SERPINA9: variants seen among roughly 807,000 people sequenced by gnomAD.
The protein encoded by SERPINA9 is serpin family A member 9, also known as serpin A9.
Under a neutral mutation model 24.5 loss-of-function variants are expected in SERPINA9, and 32 were observed. The ratio of observed to expected loss-of-function variants is 1.30; its 90% CI spans 0.98 to 1.75. SERPINA9 has a LOEUF of 1.75. SERPINA9 is among the 40% of genes most tolerant of loss of function. SERPINA9 has a pLI of 0.00. For missense variants in SERPINA9, 594 were observed against 497.1 expected, an observed-to-expected ratio of 1.19 and a Z score of -1.85; for synonymous variants, 233 against 197.7, an observed-to-expected ratio of 1.18 and a Z score of -1.50.
intron 1 of SERPINA9, 115 bp downstream of exon 1, chr14:94,476,021 A>T (rs533791403): frequency 6.6e-7 from 1 of 1,513,712 alleles, no homozygotes; most frequent in African/African-American, 1.4e-5. Flanking sequence ...CTAGGTTCTC[A>T]TCTTATTTGA....
intron 1 of SERPINA9, among the ~76,000 whole-genome samples, chr14:94,471,849 TC>T (rs535000856): frequency 8.9e-4 from 136 of 152,192 alleles, no homozygotes; most frequent in African/African-American, 3.1e-3. Flanking sequence ...TCGTTCTTCC[TC>T]CCCGAGACAT....
At chr14:94,475,850 G>A in intron 1 of SERPINA9, 1 of 497,758 alleles carries the variant, frequency 2.0e-6, no homozygotes. Context: ...TCTAGCAGCT[G>A]CCCTATTTCA....
chr14:94,475,689 G>T (rs1340514998), intron 1 of SERPINA9, among the ~76,000 whole-genome samples: 1 of 151,910 alleles, frequency 6.6e-6, no homozygotes. Flanking sequence ...TCCATCTCAG[G>T]ACCCTTCCAC....
intron 1 of SERPINA9, among the ~76,000 whole-genome samples, chr14:94,475,297 G>C (rs572586290): frequency 1.3e-5 from 2 of 152,218 alleles, no homozygotes; most frequent in African/African-American, 2.4e-5. Context: ...TAACTCATCA[G>C]CTCACTCTCC....
chr14:94,464,064 C>A (rs1026631162), intron 4 of SERPINA9, among the ~76,000 whole-genome samples: 1 of 152,112 alleles, frequency 6.6e-6, no homozygotes, highest in Non-Finnish European at 1.5e-5. Context: ...AATTAACTGA[C>A]GGAGACTTCT....
At position 94,469,708 on chromosome 14, in the gene SERPINA9, A is replaced by T; in HGVS notation, c.133T>A (p.Tyr45Asn). 6.2e-7 allele frequency: 1 copy of T among 1,606,868 alleles called. No homozygotes were observed. The highest frequency in any genetic ancestry group is 2.2e-5 in the East Asian group (1 of 44,782). Residue 45 changes from tyrosine (Y) to asparagine (N), a missense_variant, in exon 2 of 5, where the codon TAT (tyrosine) becomes AAT (asparagine). Physicochemically the swap from Tyr to Asn is moderately radical, Grantham distance 143. Coordinates refer to ENST00000674397, the MANE Select transcript of SERPINA9 (RefSeq NM_175739.4). Reference protein sequence around the residue: ...STKSTPASQVYSLNTDFAFRL... With the variant: ...STKSTPASQVNSLNTDFAFRL... ...AAGGCAAAGTCGGTGTTGAGGGAAT[A>T]CACCTGTGAGGCAGGGGTGCTCTTT... is the stretch of plus-strand genomic sequence containing the variant.
intron 3 of SERPINA9, 25 bp from the exon 4 acceptor site, chr14:94,464,879 A>G: frequency 1.2e-6 from 2 of 1,601,344 alleles, no homozygotes; most frequent in Non-Finnish European, 1.7e-6. Context: ...AAAGGAAACA[A>G]TGAGGTCACA....
Position 94,469,329 on chromosome 14 carries a change from G to A in SERPINA9, c.512C>T (p.Ala171Val). The change falls in exon 2 of 5, where the codon GCC becomes GTC. Residue 171 changes from alanine to valine, a missense_variant. Ala to Val is a moderately conservative substitution (Grantham distance 64, BLOSUM62 0). Transcript: ENST00000674397. ...CACATGGCTGTTGATCCTCGCCTGGGCAATGGAGGGGTTGGAGAAATCTGT... is the reference window on the plus strand; with the variant it reads ...CACATGGCTGTTGATCCTCGCCTGGACAATGGAGGGGTTGGAGAAATCTGT... ...FSTDFSNPSI[A>V]QARINSHVKK... is the part of the protein sequence containing the mutation. 6.2e-7 allele frequency: 1 copy of A among 1,614,160 alleles called. No homozygotes were observed. Among genetic ancestry groups the A allele is most frequent in the Non-Finnish European group, 8.5e-7 (1 of 1,180,038 alleles).
Position 94,471,401 on chromosome 14 carries a change from C to A in SERPINA9, c.-17-1544G>T, listed in dbSNP as rs562067479. ...ACATAGTCACTTGTCTATGTCAGAC[C>A]AAGCATAATGTGACAGCCACATTCC... is the stretch of plus-strand genomic sequence containing the variant. On this transcript the variant is annotated intron_variant, in intron 1 of 4. Transcript: ENST00000674397. 3.9e-5 allele frequency among the ~76,000 whole-genome samples: 6 copies of A among 152,178 alleles called. No individual in the cohort carries two copies. The East Asian group carries it at 7.7e-4, about 20-fold the overall frequency.
In SERPINA9 at chr14:94,463,226, A is replaced by G. The variant is rs1488911335; in HGVS notation, c.1121T>C (p.Phe374Ser). ...GGGGCCATCCTTCGATCGGACTATG[A>G]ACTTGGTGGTGGTAGCTGCTGTGGC... is the stretch of plus-strand genomic sequence containing the variant. ...TEATAATTTK[F>S]IVRSKDGPSY... The change falls in exon 5 of 5, where the codon TTC becomes TCC. Residue 374 changes from phenylalanine (F) to serine (S), a missense_variant. Transcript: ENST00000674397. 4 of 1,614,084 alleles carry G rather than the reference A, an allele frequency of 2.5e-6. No homozygotes were observed. The highest frequency in any genetic ancestry group is 3.4e-6 in the Non-Finnish European group (4 of 1,180,038).
chr14:94,469,627 G>C lies in SERPINA9; in HGVS notation c.214C>G (p.Pro72Ala). The change falls in exon 2 of 5, where the codon CCT becomes GCT. Residue 72 changes from proline to alanine, a missense_variant. Physicochemically the swap from Pro to Ala is conservative, Grantham distance 27. Coordinates refer to ENST00000674397, the MANE Select transcript of SERPINA9 (RefSeq NM_175739.4). ...ETPSQNIFFS[P>A]VSVSTSLAML... ...GCCAGGGAAGTGGAGACACTCACAG[G>C]GGAGAAGAAGATGTTCTGACTCGGG... 6.2e-7 allele frequency: 1 copy of C among 1,614,128 alleles called. No individual in the cohort carries two copies. Among genetic ancestry groups the C allele is most frequent in the Non-Finnish European group, 8.5e-7 (1 of 1,180,032 alleles).
chr14:94,468,936 T>G (rs1305214013), intron 2 of SERPINA9, among the ~76,000 whole-genome samples: 1 of 152,206 alleles, frequency 6.6e-6, no homozygotes, highest in Non-Finnish European at 1.5e-5. Flanking sequence ...AGTCTCCAGA[T>G]TTTTCCTGTG....
rs944826590 is a variant in SERPINA9 at position 94,466,035 on chromosome 14, T to C, written c.902+1074A>G. 3.9e-5 allele frequency among the ~76,000 whole-genome samples: 6 copies of C among 152,144 alleles called. No individual in the cohort carries two copies. The East Asian group carries it at 5.8e-4, about 15-fold the overall frequency. On this transcript the variant is annotated intron_variant, in intron 3 of 4. Transcript: ENST00000674397. ...ATGCCAGGGACAGCTCTCTTTTCCC[T>C]GCCACTGTCCTCTTTCCCTGTTTTC...
intron 2 of SERPINA9, among the ~76,000 whole-genome samples, chr14:94,468,452 G>A (rs1899124984): frequency 6.6e-6 from 1 of 152,170 alleles, no homozygotes; most frequent in Non-Finnish European, 1.5e-5. Flanking sequence ...AACTCTGCCT[G>A]GAGATGCCAG....
intron 2 of SERPINA9, 126 bp from the exon 3 acceptor site, chr14:94,467,508 T>C: frequency 2.4e-6 from 2 of 839,518 alleles, no homozygotes; most frequent in Non-Finnish European, 3.6e-6. Context: ...AAAAAAATGC[T>C]CTGATATTAC....
chr14:94,463,284 C>G lies in SERPINA9; in HGVS notation c.1063G>C (p.Ala355Pro), dbSNP rs1163591248. ...CCCTCTTCACTGACATCCAGCACAG[C>G]CTTGTGGGTTGCCTGCCAAGGGAAA... ...SLQVSKATHK[A>P]VLDVSEEGTE... The change falls in exon 5 of 5, where the codon GCT (alanine) becomes CCT (proline). Residue 355 changes from alanine (A) to proline (P), a missense_variant. By Grantham distance (27) the Ala-to-Pro change is conservative. Transcript: ENST00000674397. 1 of 1,614,016 alleles carries G rather than the reference C, an allele frequency of 6.2e-7. No individual in the cohort carries two copies. Among genetic ancestry groups the G allele is most frequent in the East Asian group, 2.2e-5 (1 of 44,878 alleles).
Position 94,469,328 on chromosome 14 carries a change from G to A in SERPINA9, c.513C>T (p.Ala171=). 1 of 1,614,150 alleles carries A rather than the reference G, an allele frequency of 6.2e-7. No homozygotes were observed. Among genetic ancestry groups the A allele is most frequent in the Non-Finnish European group, 8.5e-7 (1 of 1,180,048 alleles). Residue 171 remains alanine (A), a synonymous_variant, in exon 2 of 5, where the codon GCC becomes GCT. Coordinates refer to ENST00000674397, the MANE Select transcript of SERPINA9 (RefSeq NM_175739.4). ...TCACATGGCTGTTGATCCTCGCCTG[G>A]GCAATGGAGGGGTTGGAGAAATCTG... is the stretch of plus-strand genomic sequence containing the variant. ...FSTDFSNPSI[A]QARINSHVKK...
intron 4 of SERPINA9, 47 bp from the exon 5 acceptor site, chr14:94,463,343 T>G (rs2139792511): frequency 6.5e-7 from 1 of 1,543,352 alleles, no homozygotes; most frequent in Non-Finnish European, 9.0e-7. Context: ...GAGACACTTT[T>G]ACTTAACTGA....
intron 3 of SERPINA9, among the ~76,000 whole-genome samples, chr14:94,465,545 TA>T (rs11318012): frequency 0.43 from 64,606 of 151,956 alleles, 15,036 homozygotes; most frequent in East Asian, 0.76. Flanking sequence ...TTCTTTTTTT[TA>T]AGATGGAGTC....
Sources: allele counts gnomAD v4.1 joint callset (sites outside exome capture counted in the v4.1 genomes callset), GRCh38; gene constraint gnomAD v4.1.1; transcripts MANE v1.5; gene names NCBI Gene and HGNC (gene_info 2026-07-23, HGNC 2026-07-21).